Variants in RAI2 observed in about 807,000 individuals in gnomAD.
The protein encoded by RAI2 is retinoic acid-induced protein 2.
Under a neutral mutation model 15.3 loss-of-function variants are expected in RAI2, and 5 were observed. The observed-to-expected ratio is 0.33, with a 90% CI of 0.17 to 0.69. The LOEUF (loss-of-function observed/expected upper bound fraction) is 0.69, where lower values mean the gene tolerates loss of function less well. RAI2 is among the 30% of genes least tolerant of loss of function. The pLI is 0.69. For missense variants in RAI2, 424 were observed against 424.7 expected (o/e 1.00, Z 0.01); for synonymous variants, 191 against 184.0 (o/e 1.04, Z -0.31).
intron 1 of RAI2, among the ~76,000 whole-genome samples, chrX:17,814,137 C>A (rs1003791635): frequency 9.1e-6 from 1 of 109,651 alleles, no homozygotes; most frequent in East Asian, 2.9e-4. Flanking sequence ...AGCAAGGAAG[C>A]CAATTTATCA....
intron 1 of RAI2, among the ~76,000 whole-genome samples, chrX:17,826,128 T>C (rs180853793): frequency 3.1e-4 from 35 of 112,925 alleles, no homozygotes; most frequent in African/African-American, 1.1e-3. Flanking sequence ...CTTTAACCCA[T>C]TCCAAGAAGG....
At chrX:17,854,912 A>G (rs971177607) in intron 1 of RAI2, among the ~76,000 whole-genome samples, 1 of 111,956 alleles carries the variant, frequency 8.9e-6, no homozygotes, top group African/African-American at 3.2e-5. Context: ...AGCCAGAGCC[A>G]CAGGCGCCTG....
At chrX:17,820,461 C>T (rs750103051) in intron 1 of RAI2, among the ~76,000 whole-genome samples, 6 of 111,744 alleles carry the variant, frequency 5.4e-5, no homozygotes, top group Non-Finnish European at 1.1e-4. Flanking sequence ...ATAAAAGCTC[C>T]GACTGAAGTG....
chrX:17,800,337 T>C lies in RAI2; in HGVS notation c.*81A>G. Reference sequence around the variant, plus strand: ...TACTCCCCAAAATAATTAACAAAGATAATTTGTTTTAAATGCCTTTTTATA... The same window carrying C: ...TACTCCCCAAAATAATTAACAAAGACAATTTGTTTTAAATGCCTTTTTATA... On this transcript the variant is annotated 3_prime_UTR_variant, in exon 2 of 2. Transcript: ENST00000451717. 9.2e-7 allele frequency: 1 copy of C among 1,081,828 alleles called. No homozygotes were observed. The highest frequency in any genetic ancestry group is 2.8e-4 in the Middle Eastern group (1 of 3,585). The allele number at this position is 1,081,828 out of a possible 1,213,427, so 89.2% of individuals were successfully genotyped here. A position where few individuals can be genotyped will look rare whatever the true frequency, so the allele number is the denominator to read the frequency against.
chrX:17,827,411 TTA>T (rs2067239231), intron 1 of RAI2, among the ~76,000 whole-genome samples: 1 of 112,334 alleles, frequency 8.9e-6, no homozygotes, highest in South Asian at 3.7e-4. Context: ...ACAATACTAT[TTA>T]TGTTTTATTT....
At chrX:17,852,641 C>T (rs2067549997) in intron 1 of RAI2, among the ~76,000 whole-genome samples, 1 of 112,039 alleles carries the variant, frequency 8.9e-6, no homozygotes, top group Admixed American at 9.4e-5. Flanking sequence ...AAGGCATGAC[C>T]CTCCTTTCTA....
At chrX:17,815,155 G>T (rs1355114346) in intron 1 of RAI2, among the ~76,000 whole-genome samples, 2 of 111,692 alleles carry the variant, frequency 1.8e-5, no homozygotes, top group Non-Finnish European at 3.8e-5. Flanking sequence ...AAGTATCATG[G>T]TTGGAGCTAA....
At position 17,801,787 on chromosome X, in the gene RAI2, G is replaced by A. The variant is rs1396210816; in HGVS notation, c.224C>T (p.Ala75Val). The A allele has an allele frequency of 8.3e-7, 1 of 1,210,143 alleles. No homozygotes were observed. Among genetic ancestry groups the A allele is most frequent in the Non-Finnish European group, 1.1e-6 (1 of 895,256 alleles). Residue 75 changes from alanine to valine, a missense_variant, in exon 2 of 2, where the codon GCC (alanine) becomes GTC (valine). Transcript: ENST00000451717. ...GAGGCACAGGGGCTGCAACACAGTG[G>A]CCGCCACCTTCAGAGCCATGCCACT... ...SQSGMALKVA[A>V]TVLQPLCLGE...
chrX:17,838,892 C>G (rs1375006120), intron 1 of RAI2, among the ~76,000 whole-genome samples: 12 of 112,059 alleles, frequency 1.1e-4, no homozygotes, highest in Non-Finnish European at 2.3e-4. Flanking sequence ...ACACGCAAAG[C>G]ACACATCACA....
rs185050372 is a variant in RAI2 at position 17,815,551 on chromosome X, G to A, written c.-24-13517C>T. On this transcript the variant is annotated intron_variant, in intron 1 of 1. Coordinates refer to ENST00000451717, the MANE Select transcript of RAI2 (RefSeq NM_021785.6). The stretch of plus-strand genomic sequence containing the variant: ...CTTGCCACATGAGTAGGATTTTGGC[G>A]CAGGAGATGGTGGAATGGAGGAGGG... 8.1e-5 allele frequency among the ~76,000 whole-genome samples: 9 copies of A among 111,303 alleles called. No individual in the cohort carries two copies. The East Asian group carries it at 8.5e-4, about 11-fold the overall frequency.
At chrX:17,840,836 C>T (rs1221436720) in intron 1 of RAI2, among the ~76,000 whole-genome samples, 1 of 112,014 alleles carries the variant, frequency 8.9e-6, no homozygotes, top group African/African-American at 3.2e-5. Flanking sequence ...TTTCTACTCA[C>T]ATCCCATTGA....
intron 1 of RAI2, among the ~76,000 whole-genome samples, chrX:17,819,647 C>T (rs1477680708): frequency 1.8e-5 from 2 of 112,760 alleles, no homozygotes; most frequent in African/African-American, 6.4e-5. Flanking sequence ...CAATAAAAAG[C>T]AATGCACTGC....
intron 1 of RAI2, among the ~76,000 whole-genome samples, chrX:17,851,657 A>G (rs1276484853): frequency 9.0e-6 from 1 of 111,612 alleles, no homozygotes; most frequent in Non-Finnish European, 1.9e-5. Flanking sequence ...ACTGGTTTCT[A>G]TGACCCTTTC....
chrX:17,822,808 G>A (rs2067182060), intron 1 of RAI2, among the ~76,000 whole-genome samples: 1 of 112,102 alleles, frequency 8.9e-6, no homozygotes, highest in African/African-American at 3.2e-5. Context: ...TCTACTTTTA[G>A]TTACTTATGT....
chrX:17,821,064 C>G (rs1181831636), intron 1 of RAI2, among the ~76,000 whole-genome samples: 1 of 111,588 alleles, frequency 9.0e-6, no homozygotes, highest in Non-Finnish European at 1.9e-5. Context: ...TGTGCCCAAC[C>G]TTAAATTAGC....
At chrX:17,835,151 C>T (rs932486665) in intron 1 of RAI2, among the ~76,000 whole-genome samples, 9 of 112,038 alleles carry the variant, frequency 8.0e-5, no homozygotes, top group Non-Finnish European at 1.1e-4. Context: ...GGCGCCCATA[C>T]GCTACCATTC....
At chrX:17,819,441 A>G (rs889046534) in intron 1 of RAI2, among the ~76,000 whole-genome samples, 1 of 112,360 alleles carries the variant, frequency 8.9e-6, no homozygotes, top group Non-Finnish European at 1.9e-5. Context: ...CTTCTAGAAA[A>G]GTTCAGTAAC....
chrX:17,821,307 C>T lies in RAI2; in HGVS notation c.-24-19273G>A, dbSNP rs5955906. Among the ~76,000 whole-genome samples, 1,040 of 111,914 alleles carry T rather than the reference C, an allele frequency of 9.3e-3. 11 individuals carry two copies. The highest frequency in any genetic ancestry group is 0.031 in the African/African-American group (950 of 30,737). ...TTTCCAGTCTATTTCATCAGTCCCT[C>T]TGTCCACCCCTGTGCCAGCACCATG... On this transcript the variant is annotated intron_variant, in intron 1 of 1. Coordinates refer to ENST00000451717, the MANE Select transcript of RAI2 (RefSeq NM_021785.6).
chrX:17,847,810 G>A (rs1052300788), intron 1 of RAI2, among the ~76,000 whole-genome samples: 5 of 112,094 alleles, frequency 4.5e-5, no homozygotes, highest in African/African-American at 1.3e-4. Flanking sequence ...AGTTAACAGC[G>A]GGTTTGGCTG....
Sources: allele counts gnomAD v4.1 joint callset (sites outside exome capture counted in the v4.1 genomes callset), GRCh38; gene constraint gnomAD v4.1.1; transcripts MANE v1.5; gene names NCBI Gene and HGNC (gene_info 2026-07-23, HGNC 2026-07-21).